The following ITGA9 variants were observed in gnomAD, a reference collection of about 807,000 sequenced individuals.
ITGA9 encodes integrin subunit alpha 9, also known as integrin alpha-9.
In ITGA9, 56 loss-of-function variants were observed where a neutral mutation model predicts 127.8. The observed-to-expected ratio is 0.44, with a 90% CI of 0.35 to 0.55. The LOEUF (loss-of-function observed/expected upper bound fraction) is 0.55, where lower values mean the gene tolerates loss of function less well. ITGA9 is among the 20% of genes least tolerant of loss of function. The pLI is 0.00. For synonymous variants in ITGA9, 508 were observed against 514.5 expected, an observed-to-expected ratio of 0.99 and a Z score of 0.17; for missense variants, 1,196 against 1,347.1, an observed-to-expected ratio of 0.89 and a Z score of 1.76.
At chr3:37,595,792 G>A (rs1232284818) in intron 15 of ITGA9, among the ~76,000 whole-genome samples, 1 of 152,224 alleles carries the variant, frequency 6.6e-6, no homozygotes, top group Non-Finnish European at 1.5e-5. Flanking sequence ...TGCCCCATGT[G>A]TGGCAGCAGA....
intron 5 of ITGA9, among the ~76,000 whole-genome samples, chr3:37,494,824 T>A (rs1230228090): frequency 6.6e-6 from 1 of 152,096 alleles, no homozygotes; most frequent in African/African-American, 2.4e-5. Flanking sequence ...TCTGTAGGAG[T>A]CTGCTTGACT....
intron 15 of ITGA9, among the ~76,000 whole-genome samples, chr3:37,628,429 A>C (rs1004322629): frequency 1.3e-5 from 2 of 152,062 alleles, no homozygotes; most frequent in Non-Finnish European, 2.9e-5. Context: ...TGTGACTGAA[A>C]ATCTTTACCA....
intron 15 of ITGA9, among the ~76,000 whole-genome samples, chr3:37,565,431 GTCA>G (rs1165644618): frequency 1.3e-5 from 2 of 152,172 alleles, no homozygotes; most frequent in Admixed American, 6.5e-5. Context: ...GGCCACGGAG[GTCA>G]AAGATACAGA....
intron 10 of ITGA9, among the ~76,000 whole-genome samples, chr3:37,518,818 T>C (rs1465184994): frequency 1.5e-5 from 2 of 137,292 alleles, no homozygotes; most frequent in African/African-American, 5.6e-5. Context: ...GGAGTCTCAC[T>C]CTGTTTCCCA....
chr3:37,704,522 C>T (rs540972200), intron 18 of ITGA9, among the ~76,000 whole-genome samples: 8 of 152,316 alleles, frequency 5.3e-5, no homozygotes, highest in African/African-American at 1.2e-4. Flanking sequence ...GAGCACTGAA[C>T]GACTGGAAGT....
chr3:37,499,382 C>G (rs1455379633), intron 5 of ITGA9, among the ~76,000 whole-genome samples: 1 of 152,222 alleles, frequency 6.6e-6, no homozygotes, highest in Non-Finnish European at 1.5e-5. Flanking sequence ...CCCAGGCCCA[C>G]CTACATACCC....
rs148753646 is a variant in ITGA9 at position 37,584,647 on chromosome 3, C to T, written c.1689+42062C>T. Among the ~76,000 whole-genome samples, 7 of 151,988 alleles carry T rather than the reference C, an allele frequency of 4.6e-5. No individual in the cohort carries two copies. The East Asian group carries it at 1.2e-3, about 25-fold the overall frequency. ...GCATGTATCTGTAGTCCCAGCTACT[C>T]GGGAGGCTGAGTCAGGAGAATTGCT... On this transcript the variant is annotated intron_variant, in intron 15 of 27. Transcript: ENST00000264741.
At position 37,452,512 on chromosome 3, in the gene ITGA9, G is replaced by C. The variant is rs1441133187; in HGVS notation, c.138G>C (p.Ser46=). 1.3e-6 allele frequency: 2 copies of C among 1,526,920 alleles called. No homozygotes were observed. Among genetic ancestry groups the C allele is most frequent in the Non-Finnish European group, 1.8e-6 (2 of 1,137,248 alleles). The allele number at this position is 1,526,920 out of a possible 1,614,324, so 94.6% of individuals were successfully genotyped here. The change falls in exon 1 of 28, where the codon TCG becomes TCC. Residue 46 remains serine (S), a synonymous_variant. Coordinates refer to ENST00000264741, the MANE Select transcript of ITGA9 (RefSeq NM_002207.3). The surrounding 1 kb of genome is among the most constrained non-coding windows in gnomAD (Gnocchi z 7.3). ...TGCACTTCCAGGGCCCCGCTGACTCGTTCTTCGGCTACGCAGTTCTGGAGC... is the reference window on the plus strand; with the variant it reads ...TGCACTTCCAGGGCCCCGCTGACTCCTTCTTCGGCTACGCAGTTCTGGAGC... ...RPVHFQGPAD[S]FFGYAVLEHF...
chr3:37,533,502 C>A, intron 14 of ITGA9, 34 bp downstream of exon 14: 1 of 1,609,034 alleles, frequency 6.2e-7, no homozygotes, highest in Non-Finnish European at 8.5e-7. Flanking sequence ...TCAGGATACC[C>A]GTTTAGCTGG....
chr3:37,801,534 G>A (rs946922205), intron 26 of ITGA9, among the ~76,000 whole-genome samples: 1 of 152,168 alleles, frequency 6.6e-6, no homozygotes, highest in Non-Finnish European at 1.5e-5. Context: ...CACTTTGGGA[G>A]CTGAGGCACA....
chr3:37,721,883 C>T (rs1368649083), intron 18 of ITGA9, among the ~76,000 whole-genome samples: 1 of 152,092 alleles, frequency 6.6e-6, no homozygotes, highest in Non-Finnish European at 1.5e-5. Flanking sequence ...TTGCGCGTTC[C>T]CCACCCCAGG....
chr3:37,747,958 C>T (rs571538898), intron 22 of ITGA9, among the ~76,000 whole-genome samples: 1 of 152,224 alleles, frequency 6.6e-6, no homozygotes, highest in East Asian at 1.9e-4. Flanking sequence ...CCCAGCTGGT[C>T]TCAAACATGC....
rs368724562 is a variant in ITGA9 at position 37,777,731 on chromosome 3, C to A, written c.2667+214C>A. Among the ~76,000 whole-genome samples the A allele has an allele frequency of 1.6e-4, 25 of 152,298 alleles. No individual in the cohort carries two copies. The South Asian group carries it at 4.8e-3, about 29-fold the overall frequency. On this transcript the variant is annotated intron_variant, in intron 24 of 27. Transcript: ENST00000264741. Reference sequence around the variant, plus strand: ...CCTATTACCTGGAAAAGGGATAAATCTTTGCAACCCACCAAGCACAAAGTA... The same window carrying A: ...CCTATTACCTGGAAAAGGGATAAATATTTGCAACCCACCAAGCACAAAGTA...
rs197725 is a variant in ITGA9 at position 37,452,328 on chromosome 3, C to G, written c.-47C>G. 3 of 1,017,676 alleles carry G rather than the reference C, an allele frequency of 2.9e-6. No individual in the cohort carries two copies. In the African/African-American group the frequency reaches 5.2e-5, roughly 18 times the overall value. 63.0% of individuals were successfully genotyped at this position (1,017,676 alleles called of 1,614,324 possible). A position where few individuals can be genotyped will look rare whatever the true frequency, so the allele number is the denominator to read the frequency against. ...CGGCGGGCCCCGCGGCCCGCGCGCT[C>G]GGCGCCCTGCTCGCCGGGCAGAGGG... is the stretch of plus-strand genomic sequence containing the variant. On this transcript the variant is annotated 5_prime_UTR_variant, in exon 1 of 28. Transcript: ENST00000264741. This position sits in a 1 kb window ranked among gnomAD's most constrained non-coding sequence, Gnocchi z 7.3.
rs575981834 is a variant in ITGA9, at chr3:37,662,906, G to T, written c.1916+9116G>T. On this transcript the variant is annotated intron_variant, in intron 17 of 27. Coordinates refer to ENST00000264741, the MANE Select transcript of ITGA9 (RefSeq NM_002207.3). ...AGGAGCCTTTGTCTTAAGACAGAGG[G>T]AAGGACATCTGGGAGTGATTGTGTC... Among the ~76,000 whole-genome samples the T allele has an allele frequency of 1.1e-4, 16 of 152,320 alleles. No homozygotes were observed. In the East Asian group the frequency reaches 3.1e-3, roughly 29 times the overall value.
chr3:37,528,862 A>G (rs920662802), intron 13 of ITGA9, among the ~76,000 whole-genome samples: 8 of 152,160 alleles, frequency 5.3e-5, no homozygotes, highest in Non-Finnish European at 1.0e-4. Context: ...ACCCCACCAC[A>G]ATAAAGAATA....
At position 37,629,144 on chromosome 3, in the gene ITGA9, G is replaced by A. The variant is rs1254655134; in HGVS notation, c.1690-43G>A. The stretch of plus-strand genomic sequence containing the variant: ...ACTGTGAAATGCTCTACGACTGTCA[G>A]CCAGGATTAGTAGTTAATGCACGTA... On this transcript the variant is annotated intron_variant, in intron 15 of 27. Coordinates refer to ENST00000264741, the MANE Select transcript of ITGA9 (RefSeq NM_002207.3). The surrounding 1 kb of genome is among the most constrained non-coding windows in gnomAD (Gnocchi z 4.5). 1.2e-6 allele frequency: 2 copies of A among 1,610,336 alleles called. No individual in the cohort carries two copies. Among genetic ancestry groups the A allele is most frequent in the East Asian group, 2.2e-5 (1 of 44,882 alleles).
intron 26 of ITGA9, among the ~76,000 whole-genome samples, chr3:37,792,929 ATC>A (rs945981223): frequency 6.6e-6 from 1 of 152,094 alleles, no homozygotes; most frequent in African/African-American, 2.4e-5. Flanking sequence ...ATCCAGTGTC[ATC>A]TCGATGCAAA....
At chr3:37,635,901 G>A (rs184428535) in intron 16 of ITGA9, among the ~76,000 whole-genome samples, 1,901 of 151,528 alleles carry the variant, frequency 0.013, 37 homozygotes, top group African/African-American at 0.042. Flanking sequence ...TTGTCCTTGC[G>A]ATAGTTTGCT....
Sources: gnomAD v4.1 joint callset for allele counts (sites outside exome capture counted in the v4.1 genomes callset) on GRCh38, gnomAD v4.1.1 for gene constraint, Gnocchi (gnomAD v3.1) non-coding constraint, MANE v1.5 for transcripts, NCBI Gene and HGNC (gene_info 2026-07-23, HGNC 2026-07-21) for gene names.